Variants in GBP6 observed in about 807,000 individuals in gnomAD.
GBP6 encodes the protein guanylate-binding protein 6.
A neutral mutation model predicts 61.5 loss-of-function variants in GBP6; 54 were observed. The ratio of observed to expected loss-of-function variants is 0.88; its 90% CI spans 0.71 to 1.10. The LOEUF (loss-of-function observed/expected upper bound fraction) is 1.10, where lower values mean the gene tolerates loss of function less well. Ranked by LOEUF, GBP6 falls within the 50% of genes least tolerant of loss-of-function variation. GBP6 has a pLI of 0.00. For synonymous variants in GBP6, 255 were observed against 273.7 expected, an observed-to-expected ratio of 0.93 and a Z score of 0.67; for missense variants, 748 against 752.8, an observed-to-expected ratio of 0.99 and a Z score of 0.07.
chr1:89,373,148 TA>T (rs1435153765), intron 3 of GBP6, among the ~76,000 whole-genome samples: 1 of 152,126 alleles, frequency 6.6e-6, no homozygotes, highest in African/African-American at 2.4e-5. Context: ...TGGTGATCAT[TA>T]AAAAGTCAGG....
Position 89,369,628 on chromosome 1 carries a change from C to T in GBP6, c.273C>T (p.His91=), listed in dbSNP as rs764242668. ...WCVPHPSKPN[H]TLVLLDTEGL... The stretch of plus-strand genomic sequence containing the variant: ...TGCCCCACCCATCCAAGCCAAACCA[C>T]ACCCTGGTCCTTCTGGACACCGAAG... The change falls in exon 3 of 11, where the codon CAC becomes CAT. Residue 91 remains histidine, a synonymous_variant. Coordinates refer to ENST00000370456, the MANE Select transcript of GBP6 (RefSeq NM_198460.3). 6 of 1,613,994 alleles carry T rather than the reference C, an allele frequency of 3.7e-6. No homozygotes were observed. Among genetic ancestry groups the T allele is most frequent in the Admixed American group, 1.7e-5 (1 of 60,010 alleles).
At position 89,368,719 on chromosome 1, in the gene GBP6, C is replaced by T. The variant is rs1557536543; in HGVS notation, c.168C>T (p.Asn56=). 6.2e-7 allele frequency: 1 copy of T among 1,613,388 alleles called. No individual in the cohort carries two copies. Among genetic ancestry groups the T allele is most frequent in the Admixed American group, 1.7e-5 (1 of 59,984 alleles). ...LYRTGKSYLM[N]HLAGQNHGFP... Reference sequence around the variant, plus strand: ...GTACAGGGAAATCCTACTTGATGAACCATCTGGCAGGACAGAATCATGGTA... The same window carrying T: ...GTACAGGGAAATCCTACTTGATGAATCATCTGGCAGGACAGAATCATGGTA... The change falls in exon 2 of 11, where the codon AAC becomes AAT. Residue 56 remains asparagine (N), a synonymous_variant. Coordinates refer to ENST00000370456, the MANE Select transcript of GBP6 (RefSeq NM_198460.3).
intron 5 of GBP6, 145 bp from the exon 6 acceptor site, chr1:89,380,241 G>A (rs1652928118): frequency 1.5e-6 from 1 of 652,806 alleles, no homozygotes; most frequent in Non-Finnish European, 2.7e-6. Flanking sequence ...GCATCAATGT[G>A]CACAGAAGTA....
At position 89,385,468 on chromosome 1, in the gene GBP6, A is replaced by G. The variant is rs773765161; in HGVS notation, c.1901A>G (p.Ter634=). ...SLFKKHKLPF[*] The stretch of plus-strand genomic sequence containing the variant: ...TTTAAAAAGCATAAGCTCCCCTTTT[A>G]AGGATATTATAGATTGTACATATAT... The change falls in exon 11 of 11, where the codon TAA becomes TGA. Residue 634 remains the stop codon, a stop_retained_variant. Transcript: ENST00000370456. 1 of 1,613,744 alleles carries G rather than the reference A, an allele frequency of 6.2e-7. No individual in the cohort carries two copies. Among genetic ancestry groups the G allele is most frequent in the East Asian group, 2.2e-5 (1 of 44,880 alleles).
chr1:89,375,785 T>G (rs1163071433), intron 3 of GBP6, among the ~76,000 whole-genome samples: 1 of 152,206 alleles, frequency 6.6e-6, no homozygotes, highest in Non-Finnish European at 1.5e-5. Flanking sequence ...TAATTTTGCT[T>G]TTGTCACCTG....
chr1:89,381,705 C>G lies in GBP6; in HGVS notation c.883C>G (p.Leu295Val). The G allele has an allele frequency of 1.9e-6, 3 of 1,603,180 alleles. No individual in the cohort carries two copies. The highest frequency in any genetic ancestry group is 1.7e-6 in the Non-Finnish European group (2 of 1,171,894). ...ITVTGNRLGT[L>V]AVTYVEAINS... ...CCTGGTTCATTTAGGTCTGGGAACTCTGGCAGTGACTTATGTAGAGGCCAT... is the reference window on the plus strand; with the variant it reads ...CCTGGTTCATTTAGGTCTGGGAACTGTGGCAGTGACTTATGTAGAGGCCAT... The change falls in exon 7 of 11, where the codon CTG becomes GTG. Residue 295 changes from leucine to valine, a missense_variant. Transcript: ENST00000370456.
rs1653184821 is a variant in GBP6 at position 89,388,000 on chromosome 1, G to C, written c.*2531G>C. Among the ~76,000 whole-genome samples the C allele has an allele frequency of 6.6e-6, 1 of 152,132 alleles. No individual in the cohort carries two copies. Among genetic ancestry groups the C allele is most frequent in the Non-Finnish European group, 1.5e-5 (1 of 68,020 alleles). ...GAAGAAAATAAATTTTCCTGGTATA[G>C]TGTCCTTCTCTAGACCTCATGTCCT... On this transcript the variant is annotated 3_prime_UTR_variant, in exon 11 of 11. Transcript: ENST00000370456.
rs1652954624 is a variant in GBP6 at position 89,380,721 on chromosome 1, T to C, written c.871+90T>C. On this transcript the variant is annotated intron_variant, in intron 6 of 10. Transcript: ENST00000370456. ...CTCAGAATTTTTGTTAGATTCCATA[T>C]AGAAAAACTACGTGTATACAGGTAT... 7 of 1,221,006 alleles carry C rather than the reference T, an allele frequency of 5.7e-6. No individual in the cohort carries two copies. In the South Asian group the frequency reaches 7.4e-5, roughly 13 times the overall value. 75.6% of individuals were successfully genotyped at this position (1,221,006 alleles called of 1,614,324 possible).
chr1:89,364,758 G>C (rs144084441), intron 1 of GBP6, among the ~76,000 whole-genome samples: 3,331 of 137,932 alleles, frequency 0.024, 131 homozygotes, highest in African/African-American at 0.084. Flanking sequence ...CTGGGAATCT[G>C]GGTTTGAACA....
Position 89,385,355 on chromosome 1 carries a change from C to T in GBP6, c.1788C>T (p.Thr596=), listed in dbSNP as rs1653107534. The change falls in exon 11 of 11, where the codon ACC becomes ACT. Residue 596 remains threonine (T), a synonymous_variant. Transcript: ENST00000370456. Reference sequence around the variant, plus strand: ...ATGATACTCCCTGGATTGCACGAACCTTGGACAACCTTGCCGATGAGCTAA... The same window carrying T: ...ATGATACTCCCTGGATTGCACGAACTTTGGACAACCTTGCCGATGAGCTAA... ...KNDDTPWIAR[T]LDNLADELTA... The T allele has an allele frequency of 1.2e-6, 2 of 1,614,108 alleles. No individual in the cohort carries two copies. Among genetic ancestry groups the T allele is most frequent in the Non-Finnish European group, 1.7e-6 (2 of 1,180,008 alleles).
At chr1:89,383,901 A>G in intron 9 of GBP6, 147 bp downstream of exon 9, 1 of 815,780 alleles carries the variant, frequency 1.2e-6, no homozygotes. Context: ...AAGGGGAGCT[A>G]TGATTGTACA....
rs760079354 is a variant in GBP6 at position 89,382,660 on chromosome 1, G to T, written c.1153-4G>T. 3 of 1,612,420 alleles carry T rather than the reference G, an allele frequency of 1.9e-6. No individual in the cohort carries two copies. In the African/African-American group the frequency reaches 4.0e-5, roughly 22 times the overall value. On this transcript the variant is annotated splice_region_variant and splice_polypyrimidine_tract_variant and intron_variant, in intron 7 of 10. Transcript: ENST00000370456. Reference sequence around the variant, plus strand: ...GGTGACATCTCTCTACATTTCCCTTGCAGGAAACCACAATGAATAAGAAGG... The same window carrying T: ...GGTGACATCTCTCTACATTTCCCTTTCAGGAAACCACAATGAATAAGAAGG...
In GBP6 at chr1:89,386,102, A is replaced by T. The variant is rs1653137394; in HGVS notation, c.*633A>T. 1 of 152,156 alleles carries T rather than the reference A, an allele frequency of 6.6e-6. No homozygotes were observed. Among genetic ancestry groups the T allele is most frequent in the South Asian group, 2.1e-4 (1 of 4,832 alleles). The allele number at this position is 152,156 out of a possible 1,614,324, so 9.4% of individuals were successfully genotyped here. ...TGGAATATTATATAGCCAGTAAACA[A>T]ATTGACAATGAAGCTCTATTTGTAC... On this transcript the variant is annotated 3_prime_UTR_variant, in exon 11 of 11. Coordinates refer to ENST00000370456, the MANE Select transcript of GBP6 (RefSeq NM_198460.3).
rs1653169887 is a variant in GBP6, at chr1:89,387,308, A to G, written c.*1839A>G. Among the ~76,000 whole-genome samples, 1 of 152,230 alleles carries G rather than the reference A, an allele frequency of 6.6e-6. No homozygotes were observed. The highest frequency in any genetic ancestry group is 6.5e-5 in the Admixed American group (1 of 15,290). On this transcript the variant is annotated 3_prime_UTR_variant, in exon 11 of 11. Transcript: ENST00000370456. The stretch of plus-strand genomic sequence containing the variant: ...CCAAGTTGCCCATGGTACCTAGATC[A>G]TGGAGAGTCATCGTAAAATGCCTGT...
intron 3 of GBP6, among the ~76,000 whole-genome samples, chr1:89,376,544 AT>A (rs1317970715): frequency 2.6e-5 from 4 of 152,064 alleles, no homozygotes; most frequent in Non-Finnish European, 4.4e-5. Flanking sequence ...TTATTTCTGC[AT>A]TGTCTAGTCT....
At chr1:89,364,941 C>G (rs944053026) in intron 1 of GBP6, among the ~76,000 whole-genome samples, 7 of 151,718 alleles carry the variant, frequency 4.6e-5, no homozygotes, top group Non-Finnish European at 8.8e-5. Flanking sequence ...AATGCTCTCC[C>G]TCCCCTTGCC....
intron 3 of GBP6, among the ~76,000 whole-genome samples, chr1:89,377,477 C>T (rs912599032): frequency 2.0e-5 from 3 of 152,138 alleles, no homozygotes; most frequent in Admixed American, 6.6e-5. Flanking sequence ...CTCTTATCTT[C>T]CTGGATAGAC....
intron 5 of GBP6, 44 bp from the exon 6 acceptor site, chr1:89,380,342 C>T: frequency 6.3e-7 from 1 of 1,583,438 alleles, no homozygotes; most frequent in South Asian, 1.1e-5. Flanking sequence ...TCCCTTATAC[C>T]AAGACTGTTT....
Position 89,384,192 on chromosome 1 carries a change from G to T in GBP6, c.1568G>T (p.Arg523Leu), listed in dbSNP as rs115489421. Residue 523 changes from arginine to leucine, a missense_variant, in exon 10 of 11, where the codon CGC becomes CTC. Arg to Leu is a moderately radical substitution (Grantham distance 102, BLOSUM62 -2). Coordinates refer to ENST00000370456, the MANE Select transcript of GBP6 (RefSeq NM_198460.3). ...QQQMEAQDKS[R>L]KENIAQLKEK... ...CAGATGGAGGCTCAAGATAAGAGTC[G>T]CAAGGAAAACATAGCCCAACTGAAG... 6 of 1,613,992 alleles carry T rather than the reference G, an allele frequency of 3.7e-6. No individual in the cohort carries two copies. Among genetic ancestry groups the T allele is most frequent in the Admixed American group, 1.7e-5 (1 of 59,996 alleles).
Sources: allele counts gnomAD v4.1 joint callset (sites outside exome capture counted in the v4.1 genomes callset), GRCh38; gene constraint gnomAD v4.1.1; transcripts MANE v1.5; gene names NCBI Gene and HGNC (gene_info 2026-07-23, HGNC 2026-07-21).